Variants in PC observed in about 807,000 individuals in gnomAD.
PC encodes pyruvate carboxylase, also known as pyruvate carboxylase, mitochondrial.
Under a neutral mutation model 107.8 loss-of-function variants are expected in PC, and 46 were observed. That is an observed-to-expected ratio of 0.43 (90% CI 0.34 to 0.55). PC has a LOEUF of 0.55. Ranked by LOEUF, PC falls within the 20% of genes least tolerant of loss-of-function variation. The pLI, the probability that PC is intolerant of heterozygous loss-of-function variation, is 0.04. For synonymous variants in PC, 662 were observed against 684.7 expected (o/e 0.97, Z 0.52); for missense variants, 1,241 against 1,643.1 (o/e 0.76, Z 4.23).
At chr11:66,906,475 G>A (rs1205330977) in intron 3 of PC, among the ~76,000 whole-genome samples, 2 of 152,178 alleles carry the variant, frequency 1.3e-5, no homozygotes, top group Non-Finnish European at 2.9e-5. Flanking sequence ...CAAAGCCACG[G>A]TGCTCAATCC....
intron 3 of PC, among the ~76,000 whole-genome samples, chr11:66,907,511 A>C (rs1948201855): frequency 6.6e-6 from 1 of 152,142 alleles, no homozygotes. Context: ...TGGATGACAA[A>C]GCGAGACTCA....
chr11:66,917,299 T>C (rs1466995050), intron 3 of PC, among the ~76,000 whole-genome samples: 1 of 152,124 alleles, frequency 6.6e-6, no homozygotes, highest in African/African-American at 2.4e-5. Context: ...CTCAAACACC[T>C]GGCCTCAAGT....
Position 66,858,118 on chromosome 11 carries a change from T to A in PC, c.1369-4735A>T. 8 of 1,610,584 alleles carry A rather than the reference T, an allele frequency of 5.0e-6. No individual in the cohort carries two copies. The highest frequency in any genetic ancestry group is 6.8e-6 in the Non-Finnish European group (8 of 1,178,864). On this transcript the variant is annotated intron_variant, in intron 12 of 22. Transcript: ENST00000393960. This position sits in a 1 kb window ranked among gnomAD's most constrained non-coding sequence, Gnocchi z 5.9. ...CGGGGCCCCGTCAATCTGCAGCACC[T>A]CATCCTCAGCGGCAACCAGCTGGGC...
chr11:66,924,030 A>G (rs1948655719), intron 3 of PC, among the ~76,000 whole-genome samples: 1 of 151,636 alleles, frequency 6.6e-6, no homozygotes. Context: ...TGGCAAAACC[A>G]TGTCTCTACT....
At chr11:66,895,920 T>A (rs1247062863) in intron 3 of PC, among the ~76,000 whole-genome samples, 1 of 152,118 alleles carries the variant, frequency 6.6e-6, no homozygotes, top group Admixed American at 6.5e-5. Context: ...GTGTCCAATT[T>A]CAGATCCTGT....
At chr11:66,928,382 T>C (rs1948768558) in intron 3 of PC, among the ~76,000 whole-genome samples, 1 of 100,672 alleles carries the variant, frequency 9.9e-6, no homozygotes, top group Non-Finnish European at 2.0e-5. Context: ...TGAGACTCCA[T>C]CTCAAAAAAA....
intron 3 of PC, among the ~76,000 whole-genome samples, chr11:66,911,696 C>T (rs1948337633): frequency 1.3e-5 from 2 of 152,130 alleles, no homozygotes; most frequent in South Asian, 4.1e-4. Context: ...GAAAGACAAG[C>T]ATTGAAAAGA....
chr11:66,929,085 G>A (rs1591295023), intron 3 of PC, among the ~76,000 whole-genome samples: 2 of 152,188 alleles, frequency 1.3e-5, no homozygotes, highest in South Asian at 4.2e-4. Context: ...GGTCAACCAA[G>A]GATCTTTAAA....
chr11:66,951,478 G>A (rs564561787), intron 3 of PC, among the ~76,000 whole-genome samples: 24 of 152,100 alleles, frequency 1.6e-4, no homozygotes, highest in Non-Finnish European at 3.4e-4. Context: ...AGTAGAGGCC[G>A]GACGCGCTGG....
Position 66,857,783 on chromosome 11 carries a change from A to G in PC, c.1369-4400T>C, listed in dbSNP as rs1214428850. The G allele has an allele frequency of 1.9e-6, 3 of 1,596,180 alleles. No individual in the cohort carries two copies. The South Asian group carries it at 3.3e-5, about 18-fold the overall frequency. ...TCCTGCTGCTGCTGCTGGCCAGTGG[A>G]GCGGCCGCCTGCCCGCTGCCCTGCG... On this transcript the variant is annotated intron_variant, in intron 12 of 22. Coordinates refer to ENST00000393960, the MANE Select transcript of PC (RefSeq NM_001040716.2). This position sits in a 1 kb window ranked among gnomAD's most constrained non-coding sequence, Gnocchi z 7.1.
intron 3 of PC, among the ~76,000 whole-genome samples, chr11:66,917,767 G>T (rs1002916770): frequency 6.6e-6 from 1 of 152,158 alleles, no homozygotes; most frequent in Non-Finnish European, 1.5e-5. Context: ...GTATAATAAC[G>T]GAGAAATTTA....
intron 3 of PC, chr11:66,919,879 G>A (rs1037267376): frequency 3.3e-5 from 5 of 152,228 alleles, no homozygotes; most frequent in African/African-American, 4.8e-5. Context: ...GTACAGAGAT[G>A]CTGTATCACT....
rs145654496 is a variant in PC, at chr11:66,850,678, G to A, written c.2469C>T (p.Asp823=). The A allele has an allele frequency of 4.9e-5, 79 of 1,608,988 alleles. No homozygotes were observed. The highest frequency in any genetic ancestry group is 6.7e-5 in the Non-Finnish European group (79 of 1,179,826). Residue 823 remains aspartate, a synonymous_variant, in exon 18 of 23, where the codon GAC becomes GAT. Coordinates refer to ENST00000393960, the MANE Select transcript of PC (RefSeq NM_001040716.2). ...ACGGGCTGCTGTTCTTCCTACCTGT[G>A]TCCAGGGGAGTCCCTCTGGTACAGG... The part of the protein sequence containing the change: ...LVACTRGTPL[D]TEVPMERVFD...
chr11:66,922,767 C>T (rs1948625055), intron 3 of PC, among the ~76,000 whole-genome samples: 1 of 152,122 alleles, frequency 6.6e-6, no homozygotes, highest in South Asian at 2.1e-4. Context: ...GAAGATGAGG[C>T]TTCTGCATCA....
chr11:66,856,470 C>A (rs1237045681), intron 12 of PC, among the ~76,000 whole-genome samples: 1 of 152,136 alleles, frequency 6.6e-6, no homozygotes, highest in East Asian at 1.9e-4. Context: ...GGCCCCACCC[C>A]GCAGCAGCCC....
intron 12 of PC, chr11:66,856,804 C>T (rs1335316926): frequency 1.3e-5 from 2 of 151,026 alleles, no homozygotes; most frequent in African/African-American, 4.9e-5. Context: ...GCGGCGGGCG[C>T]CCGTGCGGTG....
chr11:66,869,956 AG>A (rs897557070), intron 9 of PC, among the ~76,000 whole-genome samples: 1 of 152,246 alleles, frequency 6.6e-6, no homozygotes, highest in African/African-American at 2.4e-5. Context: ...CAATCTTGAC[AG>A]AATCCACGGA....
intron 9 of PC, among the ~76,000 whole-genome samples, chr11:66,869,220 G>A (rs1034615976): frequency 2.6e-5 from 4 of 152,052 alleles, no homozygotes; most frequent in Non-Finnish European, 4.4e-5. Context: ...TATCTGGGAC[G>A]AGACATGGGC....
chr11:66,952,644 C>T (rs181768183), intron 2 of PC, among the ~76,000 whole-genome samples, 176 bp from the exon 3 acceptor site: 4 of 152,306 alleles, frequency 2.6e-5, no homozygotes, highest in African/African-American at 7.2e-5. Context: ...CGGATTCAAG[C>T]GATTCTCCTG....
Sources: gnomAD v4.1 joint callset for allele counts (sites outside exome capture counted in the v4.1 genomes callset) on GRCh38, gnomAD v4.1.1 for gene constraint, Gnocchi (gnomAD v3.1) non-coding constraint, MANE v1.5 for transcripts, NCBI Gene and HGNC (gene_info 2026-07-23, HGNC 2026-07-21) for gene names.